ZC3H12B: variants seen among roughly 807,000 people sequenced by gnomAD.
The protein encoded by ZC3H12B is probable ribonuclease ZC3H12B.
ZC3H12B carries 7 observed loss-of-function variants against 43.9 expected under a neutral mutation model. The observed-to-expected ratio is 0.16, with a 90% CI of 0.09 to 0.30. The LOEUF (loss-of-function observed/expected upper bound fraction) is 0.30, where lower values mean the gene tolerates loss of function less well. Among genes scored for constraint, ZC3H12B ranks in the 10% least tolerant of loss-of-function variants. The pLI is 1.00. For synonymous variants in ZC3H12B, 222 were observed against 241.7 expected (o/e 0.92, Z 0.76); for missense variants, 475 against 670.2 (o/e 0.71, Z 3.22).
At chrX:65,271,737 T>A in the ZC3H12B span, 4 of 129,020 alleles carry the variant, frequency 3.1e-5, no homozygotes, top group Admixed American at 3.1e-4. Flanking sequence ...GTTAAGTAAC[T>A]TGGCAGGACA....
the ZC3H12B span, chrX:65,357,291 G>T: frequency 1.4e-5 from 4 of 296,005 alleles, no homozygotes; most frequent in East Asian, 2.3e-4. Context: ...CACTATAAGA[G>T]TGACATTTGC....
the ZC3H12B span, among the ~76,000 whole-genome samples, chrX:65,279,334 T>TTCTG: frequency 3.9e-3 from 415 of 105,661 alleles, 3 homozygotes; most frequent in African/African-American, 0.014. Flanking sequence ...ACAATAGCCA[T>TTCTG]TCTGAGTGTT....
chrX:65,254,357 G>A, the ZC3H12B span, among the ~76,000 whole-genome samples: 1 of 112,274 alleles, frequency 8.9e-6, no homozygotes, highest in African/African-American at 3.2e-5. Context: ...CATCACAGCA[G>A]GTTTCTAATC....
chrX:65,344,654 A>G, the ZC3H12B span, among the ~76,000 whole-genome samples: 13 of 112,395 alleles, frequency 1.2e-4, no homozygotes, highest in African/African-American at 4.2e-4. Context: ...GGACAAAAGA[A>G]TGGGAAATGA....
chrX:65,387,192 G>A (rs954515165), intron 2 of ZC3H12B, among the ~76,000 whole-genome samples: 76 of 111,492 alleles, frequency 6.8e-4, no homozygotes, highest in Non-Finnish European at 1.4e-3. Flanking sequence ...TCCAATTCCT[G>A]GATATCCCTG....
At chrX:65,270,944 A>G in the ZC3H12B span, 2 of 112,237 alleles carry the variant, frequency 1.8e-5, no homozygotes, top group Non-Finnish European at 3.8e-5. Context: ...GTTCCTATAA[A>G]GACTGAAAAG....
At chrX:65,250,442 G>C in the ZC3H12B span, among the ~76,000 whole-genome samples, 1 of 111,519 alleles carries the variant, frequency 9.0e-6, no homozygotes, top group African/African-American at 3.3e-5. Context: ...AATCCTTTGG[G>C]TATATACTCA....
At chrX:65,313,147 G>A in the ZC3H12B span, among the ~76,000 whole-genome samples, 1 of 111,820 alleles carries the variant, frequency 8.9e-6, no homozygotes, top group East Asian at 2.8e-4. Flanking sequence ...GTCCCAAAGG[G>A]CGGGATTACA....
At chrX:65,291,286 T>G in the ZC3H12B span, among the ~76,000 whole-genome samples, 2 of 111,648 alleles carry the variant, frequency 1.8e-5, no homozygotes, top group East Asian at 2.8e-4. Context: ...ATTTAAAAAT[T>G]TACTTCTTGG....
At chrX:65,191,689 C>CT in the ZC3H12B span, among the ~76,000 whole-genome samples, 2 of 107,482 alleles carry the variant, frequency 1.9e-5, no homozygotes, top group Admixed American at 9.9e-5. Flanking sequence ...ATTCTTCTCT[C>CT]TTTTTTTCTT....
intron 3 of ZC3H12B, among the ~76,000 whole-genome samples, chrX:65,454,086 T>A (rs1308523699): frequency 1.8e-5 from 2 of 112,527 alleles, no homozygotes; most frequent in Non-Finnish European, 3.8e-5. Flanking sequence ...AAATGATTTC[T>A]GCATTTCCAA....
chrX:65,405,549 G>T (rs1240350530), intron 3 of ZC3H12B, among the ~76,000 whole-genome samples: 1 of 111,205 alleles, frequency 9.0e-6, no homozygotes, highest in African/African-American at 3.3e-5. Flanking sequence ...AAACCCAGGA[G>T]GCGGAGGCTG....
intron 3 of ZC3H12B, among the ~76,000 whole-genome samples, chrX:65,417,154 T>C (rs183196141): frequency 8.9e-6 from 1 of 111,934 alleles, no homozygotes; most frequent in East Asian, 2.8e-4. Context: ...AGGTCTGGGG[T>C]TCAGCATTTT....
chrX:65,108,872 G>A, the ZC3H12B span, among the ~76,000 whole-genome samples: 1 of 111,329 alleles, frequency 9.0e-6, no homozygotes, highest in Non-Finnish European at 1.9e-5. Context: ...TGGTTGCAGA[G>A]TCACTAGATG....
At chrX:65,269,016 C>T in the ZC3H12B span, among the ~76,000 whole-genome samples, 4 of 111,951 alleles carry the variant, frequency 3.6e-5, no homozygotes, top group East Asian at 2.8e-4. Context: ...TAAATAAATT[C>T]GGTAACATTG....
the ZC3H12B span, among the ~76,000 whole-genome samples, chrX:65,109,441 A>T: frequency 3.6e-5 from 4 of 111,917 alleles, no homozygotes. Flanking sequence ...TCTAAATGTA[A>T]TCATAACATT....
At chrX:65,434,257 T>G (rs2067195106) in intron 3 of ZC3H12B, among the ~76,000 whole-genome samples, 1 of 112,030 alleles carries the variant, frequency 8.9e-6, no homozygotes, top group Non-Finnish European at 1.9e-5. Context: ...CTCACAAATA[T>G]ATTTCTCATA....
chrX:65,090,663 C>G, the ZC3H12B span, among the ~76,000 whole-genome samples: 2 of 111,442 alleles, frequency 1.8e-5, no homozygotes, highest in Non-Finnish European at 3.8e-5. Context: ...AGAAGGGACT[C>G]TGCAGGTGTC....
chrX:65,078,229 T>G, the ZC3H12B span, among the ~76,000 whole-genome samples: 1 of 112,264 alleles, frequency 8.9e-6, no homozygotes, highest in Non-Finnish European at 1.9e-5. Flanking sequence ...TATTACACAG[T>G]TGGATTTACA....
Sources: gnomAD v4.1 joint callset for allele counts (sites outside exome capture counted in the v4.1 genomes callset) on GRCh38, gnomAD v4.1.1 for gene constraint, MANE v1.5 for transcripts, NCBI Gene and HGNC (gene_info 2026-07-23, HGNC 2026-07-21) for gene names.